The following PNMA5 variants were observed in gnomAD, a reference collection of about 807,000 sequenced individuals.
PNMA5 encodes paraneoplastic antigen-like protein 5.
For synonymous variants in PNMA5, 138 were observed against 137.9 expected, an observed-to-expected ratio of 1.00 and a Z score of 0.00; for missense variants, 334 against 356.6, an observed-to-expected ratio of 0.94 and a Z score of 0.51.
At position 152,990,142 on chromosome X, in the gene PNMA5, T is replaced by C. The variant is rs888239870; in HGVS notation, c.*110A>G. On this transcript the variant is annotated 3_prime_UTR_variant, in exon 4 of 4. Transcript: ENST00000535214. ...AAGGGGGCTTGATCTCGACCTGGCT[T>C]CCCTGTCCCTCTGCCCCAGTCAAGT... The C allele has an allele frequency of 9.7e-6, 10 of 1,026,892 alleles. No individual in the cohort carries two copies. The African/African-American group carries it at 2.0e-4, about 20-fold the overall frequency. The allele number at this position is 1,026,892 out of a possible 1,213,427, so 84.6% of individuals were successfully genotyped here.
rs782545024 is a variant in PNMA5, at chrX:152,990,364, G to A, written c.1235C>T (p.Pro412Leu). 8.5e-6 allele frequency: 10 copies of A among 1,172,267 alleles called. No individual in the cohort carries two copies. The Admixed American group carries it at 1.9e-4, about 22-fold the overall frequency. ...GCCTGGAGTCTGGTTTTCAGCCTTGGGATACGTGGCCTGGCCATGGTCTTC... is the reference window on the plus strand; with the variant it reads ...GCCTGGAGTCTGGTTTTCAGCCTTGAGATACGTGGCCTGGCCATGGTCTTC... Reference protein sequence around the residue: ...RGEDHGQATYPKAENQTPGRE... With the variant: ...RGEDHGQATYLKAENQTPGRE... The change falls in exon 4 of 4, where the codon CCC becomes CTC. Residue 412 changes from proline (P) to leucine (L), a missense_variant. Coordinates refer to ENST00000535214, the MANE Select transcript of PNMA5 (RefSeq NM_001184924.2).
chrX:152,993,646 G>C (rs963029076), intron 1 of PNMA5, among the ~76,000 whole-genome samples: 1 of 112,623 alleles, frequency 8.9e-6, no homozygotes, highest in South Asian at 3.6e-4. Context: ...CTGGGTTCAA[G>C]TGATTCTCCG....
intron 1 of PNMA5, among the ~76,000 whole-genome samples, chrX:152,993,695 C>G (rs782401936): frequency 2.7e-4 from 30 of 112,690 alleles, no homozygotes; most frequent in Middle Eastern, 4.6e-3. Context: ...CAGGCGTACA[C>G]CACCACGCCC....
In PNMA5 at chrX:152,990,299, C is replaced by T. The variant is rs1398116219; in HGVS notation, c.1300G>A (p.Glu434Lys). 5.3e-6 allele frequency: 6 copies of T among 1,132,875 alleles called. No individual in the cohort carries two copies. Among genetic ancestry groups the T allele is most frequent in the East Asian group, 3.1e-5 (1 of 31,962 alleles). The allele number at this position is 1,132,875 out of a possible 1,213,427, so 93.4% of individuals were successfully genotyped here. A position where few individuals can be genotyped will look rare whatever the true frequency, so the allele number is the denominator to read the frequency against. Reference sequence around the variant, plus strand: ...TGGCTCATGGCCCCAGCCCCTGCCTCGTTTCCCAACTCCTCTCCTGCAGCC... The same window carrying T: ...TGGCTCATGGCCCCAGCCCCTGCCTTGTTTCCCAACTCCTCTCCTGCAGCC... The part of the protein sequence containing the change: ...PQAAGEELGN[E>K]AGAGAMSHPK... Residue 434 changes from glutamate (E) to lysine (K), a missense_variant, in exon 4 of 4, where the codon GAG becomes AAG. Physicochemically the swap from Glu to Lys is moderately conservative, Grantham distance 56. Transcript: ENST00000535214.
rs894078629 is a variant in PNMA5 at position 152,990,669 on chromosome X, A to G, written c.930T>C (p.Asp310=). The G allele has an allele frequency of 1.7e-6, 2 of 1,181,695 alleles. No homozygotes were observed. The highest frequency in any genetic ancestry group is 5.1e-5 in the Admixed American group (2 of 39,169). The change falls in exon 4 of 4, where the codon GAT becomes GAC. Residue 310 remains aspartate (D), a synonymous_variant. Transcript: ENST00000535214. ...PALRGKLELL[D]QRGCPPNFLE... ...GAAAATTGGGAGGACACCCTCGCTG[A>G]TCCAAGAGCTCCAGCTTGCCCCTGA...
chrX:152,992,574 A>T (rs1323276451), intron 2 of PNMA5, 83 bp downstream of exon 2: 1 of 111,533 alleles, frequency 9.0e-6, no homozygotes, highest in Non-Finnish European at 1.9e-5. Context: ...GAGTCTGTGA[A>T]CCCTGGCAGG....
At position 152,990,964 on chromosome X, in the gene PNMA5, A is replaced by G; in HGVS notation, c.635T>C (p.Met212Thr). ...GTCATTGTTGGCCTGGAGCACCCGC[A>G]TGATTGACAGAGCAGGCCCACGTAA... ...ESLRGPALSI[M>T]RVLQANNDSI... Residue 212 changes from methionine to threonine, a missense_variant, in exon 4 of 4, where the codon ATG becomes ACG. Coordinates refer to ENST00000535214, the MANE Select transcript of PNMA5 (RefSeq NM_001184924.2). 1 of 1,195,527 alleles carries G rather than the reference A, an allele frequency of 8.4e-7. No homozygotes were observed. The highest frequency in any genetic ancestry group is 1.1e-6 in the Non-Finnish European group (1 of 888,575).
At chrX:152,991,845 AT>A (rs1398356299) in intron 3 of PNMA5, 56 bp downstream of exon 3, 54 of 328,793 alleles carry the variant, frequency 1.6e-4, no homozygotes, top group African/African-American at 1.3e-3. Context: ...TCCCCAAGTC[AT>A]TTTGGGGAGG....
chrX:152,990,476 T>A lies in PNMA5; in HGVS notation c.1123A>T (p.Ser375Cys). Residue 375 changes from serine to cysteine, a missense_variant, in exon 4 of 4, where the codon AGC (serine) becomes TGC (cysteine). By Grantham distance (112) the Ser-to-Cys change is moderately radical. Transcript: ENST00000535214. ...TGTATGGTCTGGGGGCTGCTGTCGCTAAAAGACCTTGCCTGCACGGTGGCC... is the reference window on the plus strand; with the variant it reads ...TGTATGGTCTGGGGGCTGCTGTCGCAAAAAGACCTTGCCTGCACGGTGGCC... ...PQATVQARSF[S>C]DSSPQTIQGG... 8.5e-7 allele frequency: 1 copy of A among 1,175,785 alleles called. No individual in the cohort carries two copies. Among genetic ancestry groups the A allele is most frequent in the Non-Finnish European group, 1.1e-6 (1 of 880,404 alleles).
chrX:152,990,414 C>A lies in PNMA5; in HGVS notation c.1185G>T (p.Leu395=). The A allele has an allele frequency of 8.6e-7, 1 of 1,166,633 alleles. No individual in the cohort carries two copies. The highest frequency in any genetic ancestry group is 2.0e-5 in the South Asian group (1 of 48,974). The part of the protein sequence containing the change: ...GLPPLVKRRR[L]LGSESTRGED... ...CTCCCCTAGTGCTTTCACTGCCTAA[C>A]AGCCGCCTGCGTTTCACTAATGGGG... Residue 395 remains leucine, a synonymous_variant, in exon 4 of 4, where the codon CTG becomes CTT. Transcript: ENST00000535214.
At position 152,991,215 on chromosome X, in the gene PNMA5, G is replaced by A; in HGVS notation, c.384C>T (p.Ser128=). ...TDVARALGCC[S]LPAESLDAEV... ...CTGCATCCAGGCTCTCGGCAGGGAG[G>A]CTGCAACATCCCAGGGCTCTGGCCA... Residue 128 remains serine (S), a synonymous_variant, in exon 4 of 4, where the codon AGC becomes AGT. Transcript: ENST00000535214. 1 of 1,199,022 alleles carries A rather than the reference G, an allele frequency of 8.3e-7. No individual in the cohort carries two copies. The highest frequency in any genetic ancestry group is 3.0e-5 in the East Asian group (1 of 33,788).
rs782686495 is a variant in PNMA5, at chrX:152,991,268, T to G, written c.331A>C (p.Lys111Gln). The G allele has an allele frequency of 5.0e-6, 6 of 1,205,457 alleles. No homozygotes were observed. Among genetic ancestry groups the G allele is most frequent in the Admixed American group, 2.2e-5 (1 of 45,428 alleles). The change falls in exon 4 of 4, where the codon AAA becomes CAA. Residue 111 changes from lysine to glutamine, a missense_variant. Lys to Gln is a moderately conservative substitution (Grantham distance 53). Coordinates refer to ENST00000535214, the MANE Select transcript of PNMA5 (RefSeq NM_001184924.2). ...TCTGTCATACTTCGGCCCTCATCTT[T>G]CAGGAAGTAGTTCAGTCTACTGAGA... ...EFLSRLNYFL[K>Q]DEGRSMTDVA...
Position 152,990,374 on chromosome X carries a change from C to T in PNMA5, c.1225G>A (p.Ala409Thr). 1 of 1,174,705 alleles carries T rather than the reference C, an allele frequency of 8.5e-7. No individual in the cohort carries two copies. The highest frequency in any genetic ancestry group is 2.0e-5 in the South Asian group (1 of 49,752). ...TGGTTTTCAGCCTTGGGATACGTGGCCTGGCCATGGTCTTCTCCCCTAGTG... is the reference window on the plus strand; with the variant it reads ...TGGTTTTCAGCCTTGGGATACGTGGTCTGGCCATGGTCTTCTCCCCTAGTG... ...ESTRGEDHGQ[A>T]TYPKAENQTP... The change falls in exon 4 of 4, where the codon GCC becomes ACC. Residue 409 changes from alanine (A) to threonine (T), a missense_variant. Physicochemically the swap from Ala to Thr is moderately conservative, Grantham distance 58 (BLOSUM62 0). Coordinates refer to ENST00000535214, the MANE Select transcript of PNMA5 (RefSeq NM_001184924.2).
intron 2 of PNMA5, chrX:152,992,190 T>C (rs1418363647): frequency 4.4e-5 from 5 of 112,411 alleles, no homozygotes; most frequent in Admixed American, 2.8e-4. Context: ...ATGAGAAAGA[T>C]GGCTGAGCTC....
chrX:152,991,770 C>T (rs1055275415), intron 3 of PNMA5, 49 bp from the exon 4 acceptor site: 35 of 633,143 alleles, frequency 5.5e-5, no homozygotes, highest in African/African-American at 9.2e-5. Context: ...CCCCAACCTA[C>T]GCCCCCAAGC....
At position 152,990,439 on chromosome X, in the gene PNMA5, G is replaced by A. The variant is rs1556924203; in HGVS notation, c.1160C>T (p.Pro387Leu). 8.6e-6 allele frequency: 10 copies of A among 1,165,693 alleles called. No individual in the cohort carries two copies. The highest frequency in any genetic ancestry group is 1.1e-5 in the Non-Finnish European group (10 of 876,128). The change falls in exon 4 of 4, where the codon CCC (proline) becomes CTC (leucine). Residue 387 changes from proline (P) to leucine (L), a missense_variant. Coordinates refer to ENST00000535214, the MANE Select transcript of PNMA5 (RefSeq NM_001184924.2). ...CAGCCGCCTGCGTTTCACTAATGGG[G>A]GTAAGCCTCCCTGTATGGTCTGGGG... is the stretch of plus-strand genomic sequence containing the variant. ...SSPQTIQGGLPPLVKRRRLLG... is the reference protein window; with the variant it reads ...SSPQTIQGGLLPLVKRRRLLG...
chrX:152,990,609 C>T lies in PNMA5; in HGVS notation c.990G>A (p.Glu330=), dbSNP rs933693919. The T allele has an allele frequency of 5.1e-6, 6 of 1,178,374 alleles. No homozygotes were observed. The highest frequency in any genetic ancestry group is 6.8e-6 in the Non-Finnish European group (6 of 881,538). ...ELMKLIRDEE[E]WENTEAVMKN... ...TCATCACTGCCTCAGTGTTCTCCCACTCTTCTTCATCTCGAATGAGCTTCA... is the reference window on the plus strand; with the variant it reads ...TCATCACTGCCTCAGTGTTCTCCCATTCTTCTTCATCTCGAATGAGCTTCA... Residue 330 remains glutamate (E), a synonymous_variant, in exon 4 of 4, where the codon GAG becomes GAA. Coordinates refer to ENST00000535214, the MANE Select transcript of PNMA5 (RefSeq NM_001184924.2).
rs1358716649 is a variant in PNMA5 at position 152,989,352 on chromosome X, T to A, written c.*900A>T. On this transcript the variant is annotated 3_prime_UTR_variant, in exon 4 of 4. Coordinates refer to ENST00000535214, the MANE Select transcript of PNMA5 (RefSeq NM_001184924.2). ...GTACTCTGGAAAGGAGCTGCTCAGA[T>A]AAAAACACACACATCCCCAAGAGAA... 3 of 107,193 alleles carry A rather than the reference T, an allele frequency of 2.8e-5. No homozygotes were observed. The highest frequency in any genetic ancestry group is 3.9e-5 in the Non-Finnish European group (2 of 51,652). The allele number at this position is 107,193 out of a possible 1,213,427, so 8.8% of individuals were successfully genotyped here.
rs2050884939 is a variant in PNMA5 at position 152,990,051 on chromosome X, C to T, written c.*201G>A. 7.6e-6 allele frequency: 5 copies of T among 661,855 alleles called. No individual in the cohort carries two copies. The highest frequency in any genetic ancestry group is 7.8e-5 in the South Asian group (1 of 12,857). The allele number at this position is 661,855 out of a possible 1,213,427, so 54.5% of individuals were successfully genotyped here. ...CTGTACCTGTTAGGGGCTATGGGCC[C>T]GGCCCCCACTGAACCAGATGCTATT... On this transcript the variant is annotated 3_prime_UTR_variant, in exon 4 of 4. Coordinates refer to ENST00000535214, the MANE Select transcript of PNMA5 (RefSeq NM_001184924.2).
Sources: allele counts gnomAD v4.1 joint callset (sites outside exome capture counted in the v4.1 genomes callset), GRCh38; gene constraint gnomAD v4.1.1; transcripts MANE v1.5; gene names NCBI Gene and HGNC (gene_info 2026-07-23, HGNC 2026-07-21).